Variants in TRIM49C observed in about 807,000 individuals in gnomAD.
TRIM49C encodes tripartite motif-containing protein 49C.
In TRIM49C, 6 loss-of-function variants were observed where a neutral mutation model predicts 21.4. The observed-to-expected ratio is 0.28, with a 90% CI of 0.15 to 0.55. TRIM49C has a LOEUF of 0.55. Among genes scored for constraint, TRIM49C ranks in the 20% least tolerant of loss-of-function variants. The probability of loss-of-function intolerance (pLI) is 0.94; values close to 1 mark genes in which losing one functional copy is unlikely to be tolerated. For missense variants in TRIM49C, 161 were observed against 442.4 expected (o/e 0.36, Z 5.71); for synonymous variants, 57 against 148.1 (o/e 0.38, Z 4.47).
At chr11:90,056,010 T>C in the TRIM49C span, among the ~76,000 whole-genome samples, 1 of 129,846 alleles carries the variant, frequency 7.7e-6, no homozygotes, top group Admixed American at 8.8e-5. Flanking sequence ...CCAGGCCGGA[T>C]TGCAGTGGCA....
the TRIM49C span, chr11:90,057,913 TCA>T: frequency 6.6e-7 from 1 of 1,517,444 alleles, no homozygotes; most frequent in Non-Finnish European, 8.8e-7. Context: ...GAGGAGAGGG[TCA>T]CATCCACCTC....
At chr11:90,071,901 C>T in the TRIM49C span, 1 of 514,326 alleles carries the variant, frequency 1.9e-6, no homozygotes, top group African/African-American at 2.0e-5. Context: ...AGAGAATAGT[C>T]TGTGAATAGG....
the TRIM49C span, among the ~76,000 whole-genome samples, chr11:90,071,422 C>G: frequency 1.4e-5 from 2 of 141,124 alleles, no homozygotes; most frequent in African/African-American, 5.1e-5. Context: ...GCAGGAGTTG[C>G]TAGAATACAA....
At position 90,041,419 on chromosome 11, in the gene TRIM49C, G is replaced by T. The variant is rs1950769742; in HGVS notation, c.1228G>T (p.Gly410Ter). The T allele has an allele frequency of 6.3e-7, 1 of 1,577,818 alleles. No homozygotes were observed. Among genetic ancestry groups the T allele is most frequent in the Non-Finnish European group, 8.6e-7 (1 of 1,159,232 alleles). The change falls in exon 8 of 8, where the codon GGA (glycine) becomes TGA (stop). Residue 410 changes from glycine to a stop codon, truncating the protein, a stop_gained. Transcript: ENST00000448984. LOFTEE classifies it low-confidence loss of function (END_TRUNC). ...TATCCCAAAACCTACCAGCCGAGTA[G>T]GATTATTCCTGGATTGTGAGGCTAA... ...QYIPKPTSRV[G>*]LFLDCEAKTV... is the part of the protein sequence containing the mutation.
the TRIM49C span, among the ~76,000 whole-genome samples, chr11:90,063,247 G>A: frequency 4.8e-5 from 6 of 125,666 alleles, 1 homozygote; most frequent in Non-Finnish European, 9.7e-5. Flanking sequence ...ATCCTAAGAT[G>A]TTCAAGTCTC....
chr11:90,048,448 G>C, the TRIM49C span, among the ~76,000 whole-genome samples: 1 of 121,886 alleles, frequency 8.2e-6, no homozygotes, highest in Admixed American at 9.2e-5. Context: ...CATATTTCTT[G>C]GAGGCTTTGT....
At chr11:90,062,311 T>G in the TRIM49C span, among the ~76,000 whole-genome samples, 1 of 123,612 alleles carries the variant, frequency 8.1e-6, no homozygotes, top group Non-Finnish European at 1.6e-5. Flanking sequence ...TAACCTGACT[T>G]TGAAAAGTGT....
chr11:90,044,620 GTTGT>G (rs1388982621), downstream of TRIM49C, among the ~76,000 whole-genome samples: 2 of 87,332 alleles, frequency 2.3e-5, no homozygotes, highest in African/African-American at 9.5e-5. Context: ...TTTTGATGGG[GTTGT>G]TTGTTTTTTC....
the TRIM49C span, among the ~76,000 whole-genome samples, chr11:90,060,236 A>C: frequency 7.2e-6 from 1 of 139,154 alleles, no homozygotes; most frequent in Non-Finnish European, 1.5e-5. Context: ...ATTTTTTTTT[A>C]GTGTAAACTC....
At chr11:90,046,207 C>T (rs1391666540), downstream of TRIM49C, among the ~76,000 whole-genome samples, 2 of 125,338 alleles carry the variant, frequency 1.6e-5, no homozygotes, top group African/African-American at 3.2e-5. Flanking sequence ...ACTTTTGCAT[C>T]GATGTTCATC....
At chr11:90,062,824 A>C in the TRIM49C span, 1 of 1,414,794 alleles carries the variant, frequency 7.1e-7, no homozygotes, top group Non-Finnish European at 9.3e-7. Flanking sequence ...GGCTTCTCTG[A>C]GATTTTTCTG....
At chr11:90,054,453 C>CTTATTTAT in the TRIM49C span, among the ~76,000 whole-genome samples, 1 of 136,970 alleles carries the variant, frequency 7.3e-6, no homozygotes, top group Non-Finnish European at 1.6e-5. Context: ...GAGGCAGAGT[C>CTTATTTAT]TCACTCAGTC....
At chr11:90,070,802 G>A in the TRIM49C span, among the ~76,000 whole-genome samples, 2 of 141,854 alleles carry the variant, frequency 1.4e-5, 1 homozygote, top group South Asian at 4.7e-4. Context: ...TTGATTCTTT[G>A]TTTGTTTGTT....
At position 90,033,302 on chromosome 11, in the gene TRIM49C, A is replaced by C. The variant is rs371811397; in HGVS notation, c.-5+720A>C. ...ATGCTAAAGGATTTAAAATTGCCAAAACAAAGATTATAGTTTTTATATTAG... is the reference window on the plus strand; with the variant it reads ...ATGCTAAAGGATTTAAAATTGCCAACACAAAGATTATAGTTTTTATATTAG... On this transcript the variant is annotated intron_variant, in intron 2 of 7. Transcript: ENST00000448984. Among the ~76,000 whole-genome samples, 22 of 127,770 alleles carry C rather than the reference A, an allele frequency of 1.7e-4. 2 individuals are homozygous for C. The East Asian group carries it at 3.4e-3, about 20-fold the overall frequency. 83.8% of individuals were successfully genotyped at this position (127,770 alleles called of 152,430 possible).
chr11:90,065,677 C>G, the TRIM49C span, among the ~76,000 whole-genome samples: 1 of 138,742 alleles, frequency 7.2e-6, no homozygotes, highest in Non-Finnish European at 1.6e-5. Context: ...TTTTAAGTAG[C>G]TGGGCAAGGT....
chr11:90,071,565 A>T, the TRIM49C span: 1 of 495,194 alleles, frequency 2.0e-6, no homozygotes, highest in Non-Finnish European at 3.7e-6. Context: ...CCTAAGGGCC[A>T]CAAACCCATC....
chr11:90,037,170 G>C (rs1950734768), intron 4 of TRIM49C, among the ~76,000 whole-genome samples: 1 of 136,024 alleles, frequency 7.4e-6, no homozygotes, highest in Non-Finnish European at 1.6e-5. Flanking sequence ...TTTTGAGTTT[G>C]TGTATATTTG....
rs1468938056 is a variant in TRIM49C, at chr11:90,034,105, A to C, written c.-4-1103A>C. Among the ~76,000 whole-genome samples the C allele has an allele frequency of 3.3e-5, 4 of 121,734 alleles. 1 individual carries two copies. The highest frequency in any genetic ancestry group is 1.1e-4 in the African/African-American group (3 of 26,830). The allele number at this position is 121,734 out of a possible 152,430, so 79.9% of individuals were successfully genotyped here. On this transcript the variant is annotated intron_variant, in intron 2 of 7. Transcript: ENST00000448984. ...GAGAGTTCCAATATAGGCTGTCTCT[A>C]AGCTGGTGTCCTGAGAATACCGGTA...
chr11:90,063,078 G>A, the TRIM49C span: 37 of 1,296,330 alleles, frequency 2.9e-5, 4 homozygotes, highest in South Asian at 6.8e-5. Flanking sequence ...AAAAAAGGCC[G>A]GTGGACAATT....
Sources: gnomAD v4.1 joint callset for allele counts (sites outside exome capture counted in the v4.1 genomes callset) on GRCh38, gnomAD v4.1.1 for gene constraint, MANE v1.5 for transcripts, NCBI Gene and HGNC (gene_info 2026-07-23, HGNC 2026-07-21) for gene names.